The following KCNU1 variants were observed in gnomAD, a reference collection of about 807,000 sequenced individuals.
KCNU1 encodes potassium channel subfamily U member 1.
Under a neutral mutation model 126.8 loss-of-function variants are expected in KCNU1, and 93 were observed. The ratio of observed to expected loss-of-function variants is 0.73; its 90% CI spans 0.62 to 0.87. The LOEUF (loss-of-function observed/expected upper bound fraction) is 0.87. Ranked by LOEUF, KCNU1 falls within the 40% of genes least tolerant of loss-of-function variation. KCNU1 has a pLI of 0.00. For missense variants in KCNU1, 1,330 were observed against 1,367.1 expected (o/e 0.97, Z 0.43); for synonymous variants, 523 against 494.2 (o/e 1.06, Z -0.77).
intron 6 of KCNU1, among the ~76,000 whole-genome samples, 191 bp from the exon 7 acceptor site, chr8:36,808,527 G>T (rs2406948): frequency 1.3e-5 from 2 of 152,096 alleles, no homozygotes; most frequent in Non-Finnish European, 2.9e-5. Context: ...ATCAAGCAGA[G>T]AATCTTGTAC....
chr8:36,869,969 A>C (rs1246314057), intron 19 of KCNU1, among the ~76,000 whole-genome samples: 1 of 152,182 alleles, frequency 6.6e-6, no homozygotes, highest in Non-Finnish European at 1.5e-5. Context: ...CCTGACAAGC[A>C]TACCAGCAGG....
intron 19 of KCNU1, among the ~76,000 whole-genome samples, chr8:36,901,192 GA>G (rs1807404107): frequency 6.6e-6 from 1 of 152,078 alleles, no homozygotes; most frequent in Non-Finnish European, 1.5e-5. Flanking sequence ...GTAAGTTGGA[GA>G]AAATAATGAT....
At chr8:36,891,296 T>C (rs897630402) in intron 19 of KCNU1, among the ~76,000 whole-genome samples, 1 of 152,030 alleles carries the variant, frequency 6.6e-6, no homozygotes, top group Non-Finnish European at 1.5e-5. Flanking sequence ...AGTACATAAC[T>C]ATTTTACTTC....
chr8:36,918,803 A>T lies in KCNU1; in HGVS notation c.2522-20A>T. On this transcript the variant is annotated intron_variant, in intron 22 of 26. Coordinates refer to ENST00000399881, the MANE Select transcript of KCNU1 (RefSeq NM_001031836.3). ...GTAAGGCATTGTGTTTGCATTTATC[A>T]CCTCTTTTCTTCTTTGCAGAGGAGA... The T allele has an allele frequency of 6.8e-7, 1 of 1,475,940 alleles. No homozygotes were observed. Among genetic ancestry groups the T allele is most frequent in the Non-Finnish European group, 9.5e-7 (1 of 1,057,384 alleles). 91.4% of individuals were successfully genotyped at this position (1,475,940 alleles called of 1,614,324 possible).
intron 22 of KCNU1, among the ~76,000 whole-genome samples, chr8:36,912,183 G>T (rs1807900464): frequency 6.6e-6 from 1 of 152,164 alleles, no homozygotes; most frequent in Admixed American, 6.5e-5. Context: ...AGCATTTAAG[G>T]CATTGCAAGG....
intron 22 of KCNU1, 28 bp from the exon 23 acceptor site, chr8:36,918,795 C>T (rs1368483215): frequency 3.6e-6 from 5 of 1,374,780 alleles, no homozygotes; most frequent in Non-Finnish European, 5.2e-6. Context: ...ATTGTGTTTG[C>T]ATTTATCACC....
intron 10 of KCNU1, 80 bp downstream of exon 10, chr8:36,817,840 C>A (rs980887202): frequency 1.4e-5 from 10 of 693,872 alleles, no homozygotes; most frequent in Non-Finnish European, 2.6e-5. Flanking sequence ...AGAAAATTAC[C>A]TTCACAATAT....
intron 16 of KCNU1, 127 bp downstream of exon 16, chr8:36,841,130 G>T: frequency 1.5e-6 from 1 of 668,000 alleles, no homozygotes; most frequent in Non-Finnish European, 2.5e-6. Flanking sequence ...TTGGTGGATT[G>T]GCTGAGAGGC....
intron 19 of KCNU1, among the ~76,000 whole-genome samples, chr8:36,890,597 A>C (rs1303863859): frequency 6.6e-6 from 1 of 152,068 alleles, no homozygotes; most frequent in African/African-American, 2.4e-5. Context: ...AAGAAAGAAC[A>C]AATGTAACAA....
intron 22 of KCNU1, among the ~76,000 whole-genome samples, chr8:36,915,991 GAAGAA>G (rs1294766237): frequency 1.3e-5 from 2 of 151,228 alleles, no homozygotes; most frequent in African/African-American, 4.9e-5. Flanking sequence ...AAAAAGGAAG[GAAGAA>G]AAGAAAGAAT....
intron 16 of KCNU1, among the ~76,000 whole-genome samples, chr8:36,844,019 T>C (rs1171596367): frequency 6.6e-6 from 1 of 152,202 alleles, no homozygotes; most frequent in Non-Finnish European, 1.5e-5. Context: ...ATATGTTTTA[T>C]TGTGACAGTA....
chr8:36,909,293 T>C lies in KCNU1; in HGVS notation c.2107-18T>C. On this transcript the variant is annotated intron_variant, in intron 20 of 26. Coordinates refer to ENST00000399881, the MANE Select transcript of KCNU1 (RefSeq NM_001031836.3). ...CTTGCTTATGAAAATGACCAGACTG[T>C]GGCATCCTTATCCTTAGAAACGAAC... is the stretch of plus-strand genomic sequence containing the variant. 3 of 1,515,292 alleles carry C rather than the reference T, an allele frequency of 2.0e-6. No individual in the cohort carries two copies. Among genetic ancestry groups the C allele is most frequent in the Non-Finnish European group, 2.8e-6 (3 of 1,090,474 alleles). 93.9% of individuals were successfully genotyped at this position (1,515,292 alleles called of 1,614,324 possible). A position where few individuals can be genotyped will look rare whatever the true frequency, so the allele number is the denominator to read the frequency against.
In KCNU1 at chr8:36,834,997, G is replaced by A. The variant is rs570599481; in HGVS notation, c.1295+129G>A. ...ATCACTAGGTTCATCATATTCCAAGGTTCTGCCTACTTTTTGCCTGCTCCC... is the reference window on the plus strand; with the variant it reads ...ATCACTAGGTTCATCATATTCCAAGATTCTGCCTACTTTTTGCCTGCTCCC... On this transcript the variant is annotated intron_variant, in intron 12 of 26. Coordinates refer to ENST00000399881, the MANE Select transcript of KCNU1 (RefSeq NM_001031836.3). 7.9e-4 allele frequency: 498 copies of A among 633,556 alleles called. 8 individuals carry two copies. The South Asian group carries it at 9.6e-3, about 12-fold the overall frequency. The allele number at this position is 633,556 out of a possible 1,614,324, so 39.2% of individuals were successfully genotyped here. A position where few individuals can be genotyped will look rare whatever the true frequency, so the allele number is the denominator to read the frequency against.
At chr8:36,849,037 G>C (rs938122021) in intron 18 of KCNU1, among the ~76,000 whole-genome samples, 1 of 152,014 alleles carries the variant, frequency 6.6e-6, no homozygotes. Flanking sequence ...AAATAGAGTT[G>C]TGTAGTCATC....
intron 19 of KCNU1, among the ~76,000 whole-genome samples, chr8:36,893,508 C>T (rs969580103): frequency 6.6e-6 from 1 of 151,986 alleles, no homozygotes; most frequent in African/African-American, 2.4e-5. Flanking sequence ...CAAATAGTAA[C>T]ATATTCTGTG....
At chr8:36,811,446 C>T (rs948436343) in intron 7 of KCNU1, among the ~76,000 whole-genome samples, 4 of 152,104 alleles carry the variant, frequency 2.6e-5, no homozygotes, top group African/African-American at 4.8e-5. Flanking sequence ...TTGGTCAATA[C>T]CAGAAGATGA....
chr8:36,843,384 C>T (rs926552035), intron 16 of KCNU1, among the ~76,000 whole-genome samples: 9 of 152,158 alleles, frequency 5.9e-5, no homozygotes, highest in African/African-American at 1.9e-4. Flanking sequence ...AGAACATTCC[C>T]TTCTATGATT....
At chr8:36,797,099 C>A (rs564729249) in intron 2 of KCNU1, among the ~76,000 whole-genome samples, 1 of 152,058 alleles carries the variant, frequency 6.6e-6, no homozygotes, top group Non-Finnish European at 1.5e-5. Flanking sequence ...CAGGAGATTT[C>A]GGTTCAAACA....
chr8:36,881,594 G>A (rs1806481082), intron 19 of KCNU1, among the ~76,000 whole-genome samples: 1 of 152,020 alleles, frequency 6.6e-6, no homozygotes, highest in African/African-American at 2.4e-5. Context: ...CACACACTAT[G>A]ACGTCCATTC....
Sources: gnomAD v4.1 joint callset for allele counts (sites outside exome capture counted in the v4.1 genomes callset) on GRCh38, gnomAD v4.1.1 for gene constraint, MANE v1.5 for transcripts, NCBI Gene and HGNC (gene_info 2026-07-23, HGNC 2026-07-21) for gene names.